Variants in EVA1A observed in about 807,000 individuals in gnomAD.
EVA1A encodes protein eva-1 homolog A.
Under a neutral mutation model 9.8 loss-of-function variants are expected in EVA1A, and 7 were observed. The observed-to-expected ratio is 0.71, with a 90% CI of 0.41 to 1.34. The LOEUF (loss-of-function observed/expected upper bound fraction) is 1.34, where lower values mean the gene tolerates loss of function less well. Among genes scored for constraint, EVA1A ranks in the 40% most tolerant of loss-of-function variants. The pLI, the probability that EVA1A is intolerant of heterozygous loss-of-function variation, is 0.01. For synonymous variants in EVA1A, 90 were observed against 85.6 expected, an observed-to-expected ratio of 1.05 and a Z score of -0.28; for missense variants, 206 against 205.9, an observed-to-expected ratio of 1.00 and a Z score of 0.00.
chr2:75,502,101 TTAG>T (rs1197320355), intron 3 of EVA1A, among the ~76,000 whole-genome samples: 2 of 152,204 alleles, frequency 1.3e-5, no homozygotes, highest in African/African-American at 4.8e-5. Context: ...CTCTCTTGTG[TTAG>T]TAGAAGTGTG....
At chr2:75,560,280 C>T (rs572921055) in intron 1 of EVA1A, among the ~76,000 whole-genome samples, 4 of 152,266 alleles carry the variant, frequency 2.6e-5, no homozygotes, top group Admixed American at 2.6e-4. Context: ...ACATTTCTGG[C>T]AGGTCCGCCC....
chr2:75,498,901 C>T (rs1674310550), intron 3 of EVA1A, among the ~76,000 whole-genome samples: 1 of 151,842 alleles, frequency 6.6e-6, no homozygotes, highest in Admixed American at 6.6e-5. Flanking sequence ...AAGGCCTCAC[C>T]TTTATCTTTA....
intron 3 of EVA1A, among the ~76,000 whole-genome samples, chr2:75,495,243 G>A (rs575304772): frequency 3.3e-5 from 5 of 152,278 alleles, no homozygotes; most frequent in South Asian, 2.1e-4. Context: ...GGAGACAGAC[G>A]AAAGCAATGG....
At chr2:75,520,200 A>G (rs908831350) in intron 2 of EVA1A, among the ~76,000 whole-genome samples, 2 of 152,070 alleles carry the variant, frequency 1.3e-5, no homozygotes, top group Admixed American at 1.3e-4. Flanking sequence ...TCACCTCTTC[A>G]TGCTTTTGGT....
At chr2:75,563,334 G>T (rs530990215), upstream of EVA1A, among the ~76,000 whole-genome samples, 16 of 152,188 alleles carry the variant, frequency 1.1e-4, no homozygotes, top group Non-Finnish European at 1.9e-4. Context: ...ATGCATCCCT[G>T]CATGAAGGCC....
At position 75,552,187 on chromosome 2, in the gene EVA1A, TA is replaced by T. The variant is rs56806046; in HGVS notation, c.-192+8492del. On this transcript the variant is annotated intron_variant, in intron 1 of 3. Transcript: ENST00000393913. ...GGTCACAAAGTGAGACTCTGTCTCT[TA>T]AAAAAAAAAAAGTTAGCTTTCTTGT... 3.1e-3 allele frequency among the ~76,000 whole-genome samples: 456 copies of T among 148,402 alleles called. 2 individuals are homozygous for T. Among genetic ancestry groups the T allele is most frequent in the African/African-American group, 0.011 (432 of 40,530 alleles).
At chr2:75,498,542 C>A (rs1012767410) in intron 3 of EVA1A, among the ~76,000 whole-genome samples, 4 of 152,114 alleles carry the variant, frequency 2.6e-5, no homozygotes, top group Non-Finnish European at 1.5e-5. Context: ...GATATGAGAA[C>A]CTTCTGCACT....
intron 3 of EVA1A, among the ~76,000 whole-genome samples, chr2:75,508,623 C>T (rs143773822): frequency 0.024 from 3,647 of 152,056 alleles, 144 homozygotes; most frequent in African/African-American, 0.084. Context: ...GCCCTGCCTC[C>T]GCTTGCCTTG....
At chr2:75,551,486 C>T (rs976730134) in intron 1 of EVA1A, among the ~76,000 whole-genome samples, 5 of 152,200 alleles carry the variant, frequency 3.3e-5, no homozygotes, top group Non-Finnish European at 7.3e-5. Context: ...CTCCCATTTC[C>T]TCCTGCCTTT....
At chr2:75,568,144 A>G (rs1677060590) in intron 1 of EVA1A, among the ~76,000 whole-genome samples, 3 of 152,206 alleles carry the variant, frequency 2.0e-5, no homozygotes, top group Admixed American at 2.0e-4. Context: ...TCTCTGTGCC[A>G]AAGCCCCTGC....
At chr2:75,507,224 T>C (rs1674647935) in intron 3 of EVA1A, among the ~76,000 whole-genome samples, 1 of 152,266 alleles carries the variant, frequency 6.6e-6, no homozygotes, top group South Asian at 2.1e-4. Flanking sequence ...CCAACAATCA[T>C]TGCCAAGATG....
At chr2:75,507,344 C>T (rs796957859) in intron 3 of EVA1A, among the ~76,000 whole-genome samples, 1 of 152,188 alleles carries the variant, frequency 6.6e-6, no homozygotes, top group Non-Finnish European at 1.5e-5. Flanking sequence ...GATATAAATG[C>T]AAACCCAGCT....
chr2:75,539,260 G>C (rs570172451), intron 1 of EVA1A, among the ~76,000 whole-genome samples: 2 of 152,160 alleles, frequency 1.3e-5, no homozygotes, highest in African/African-American at 2.4e-5. Context: ...AAAACTATGA[G>C]AGTTTTCTTT....
chr2:75,557,373 C>G (rs1404692451), intron 1 of EVA1A, among the ~76,000 whole-genome samples: 1 of 152,212 alleles, frequency 6.6e-6, no homozygotes, highest in Non-Finnish European at 1.5e-5. Flanking sequence ...GGCTCCAAAT[C>G]TGCTTCTCCA....
intron 1 of EVA1A, among the ~76,000 whole-genome samples, chr2:75,539,829 T>C (rs1467323891): frequency 2.6e-5 from 4 of 152,158 alleles, no homozygotes; most frequent in Admixed American, 1.3e-4. Flanking sequence ...GATGGGGTCA[T>C]GAAGTAATCA....
chr2:75,559,694 A>AGGAGG (rs1395254941), intron 1 of EVA1A, among the ~76,000 whole-genome samples: 1 of 2,786 alleles, frequency 3.6e-4, no homozygotes, highest in Non-Finnish European at 6.6e-4. Context: ...ATGAGAAAGG[A>AGGAGG]GGTGGGGGGG....
rs185285456 is a variant in EVA1A at position 75,551,489 on chromosome 2, C to A, written c.-192+9191G>T. 3.3e-5 allele frequency among the ~76,000 whole-genome samples: 5 copies of A among 152,334 alleles called. No individual in the cohort carries two copies. The East Asian group carries it at 9.6e-4, about 29-fold the overall frequency. The stretch of plus-strand genomic sequence containing the variant: ...CCGCATCCCAGTCTCCCATTTCCTC[C>A]TGCCTTTCTGCACATCCCCTTCCCT... On this transcript the variant is annotated intron_variant, in intron 1 of 3. Transcript: ENST00000393913.
chr2:75,508,654 A>G (rs1572953057), intron 3 of EVA1A, among the ~76,000 whole-genome samples: 1 of 152,058 alleles, frequency 6.6e-6, no homozygotes, highest in Admixed American at 6.5e-5. Flanking sequence ...TTACCTTGTA[A>G]AGTACTTGAT....
chr2:75,521,489 A>T (rs752996661), intron 2 of EVA1A, among the ~76,000 whole-genome samples: 5 of 152,232 alleles, frequency 3.3e-5, no homozygotes, highest in Non-Finnish European at 5.9e-5. Context: ...CATACAATGC[A>T]ATATTACGCA....
Sources: gnomAD v4.1 joint callset for allele counts (sites outside exome capture counted in the v4.1 genomes callset) on GRCh38, gnomAD v4.1.1 for gene constraint, MANE v1.5 for transcripts, NCBI Gene and HGNC (gene_info 2026-07-23, HGNC 2026-07-21) for gene names.